Variants in TENM3 observed in about 807,000 individuals in gnomAD.
The protein encoded by TENM3 is teneurin transmembrane protein 3.
A neutral mutation model predicts 255.1 loss-of-function variants in TENM3; 63 were observed. The ratio of observed to expected loss-of-function variants is 0.25; its 90% CI spans 0.20 to 0.30. TENM3 has a LOEUF of 0.30. TENM3 is among the 10% of genes least tolerant of loss of function. TENM3 has a pLI of 1.00. For missense variants in TENM3, 2,929 were observed against 3,461.1 expected, an observed-to-expected ratio of 0.85 and a Z score of 3.86; for synonymous variants, 1,306 against 1,322.3, an observed-to-expected ratio of 0.99 and a Z score of 0.27.
the TENM3 span, among the ~76,000 whole-genome samples, chr4:181,921,093 G>A: frequency 4.6e-5 from 7 of 152,210 alleles, no homozygotes; most frequent in South Asian, 4.1e-4. Context: ...ATTCATCTAT[G>A]TCTCTGTTTT....
intron 3 of TENM3, among the ~76,000 whole-genome samples, chr4:182,460,051 T>C (rs1303288243): frequency 3.9e-5 from 6 of 152,140 alleles, no homozygotes; most frequent in Non-Finnish European, 7.4e-5. Context: ...TGTGGTGTAC[T>C]TTAAATTCTA....
At chr4:181,673,737 A>G in the TENM3 span, among the ~76,000 whole-genome samples, 1 of 152,128 alleles carries the variant, frequency 6.6e-6, no homozygotes, top group Non-Finnish European at 1.5e-5. Context: ...TAACGTGGGT[A>G]GTTATCGTAA....
At chr4:182,160,342 C>T (rs527289544) in intron 1 of TENM3, among the ~76,000 whole-genome samples, 7 of 152,152 alleles carry the variant, frequency 4.6e-5, no homozygotes, top group African/African-American at 1.7e-4. Flanking sequence ...TAAATGGTTA[C>T]CTTTTTCCAC....
chr4:181,733,227 G>T, the TENM3 span, among the ~76,000 whole-genome samples: 1 of 152,134 alleles, frequency 6.6e-6, no homozygotes, highest in East Asian at 1.9e-4. Context: ...AAGGTACATA[G>T]ATGTAAATAG....
At chr4:182,093,315 TAGAA>T in the TENM3 span, among the ~76,000 whole-genome samples, 1 of 152,254 alleles carries the variant, frequency 6.6e-6, no homozygotes, top group Middle Eastern at 3.4e-3. Context: ...TCAAAGCTCT[TAGAA>T]AGATGGTGGC....
chr4:182,346,897 C>A lies in TENM3; in HGVS notation c.479C>A (p.Thr160Lys), dbSNP rs180775304. Residue 160 changes from threonine (T) to lysine (K), a missense_variant, in exon 3 of 28, where the codon ACG (threonine) becomes AAG (lysine). By Grantham distance (78) the Thr-to-Lys change is moderately conservative. Around this residue, in one of 6 missense-constraint regions of TENM3, gnomAD observed 283 missense variants for 256.9 expected, o/e 1.10. Coordinates refer to ENST00000511685, the MANE Select transcript of TENM3 (RefSeq NM_001080477.4). ...AACTCAGCCCTCACCCTGACAGATA[C>A]GGAGCACGAAAACAAGTCCGACAGT... is the stretch of plus-strand genomic sequence containing the variant. The part of the protein sequence containing the change: ...RSNSALTLTD[T>K]EHENKSDSEN... 18 of 1,611,594 alleles carry A rather than the reference C, an allele frequency of 1.1e-5. No individual in the cohort carries two copies. In the East Asian group the frequency reaches 3.6e-4, roughly 32 times the overall value.
At chr4:181,721,566 C>CCGCCG in the TENM3 span, among the ~76,000 whole-genome samples, 2 of 17,932 alleles carry the variant, frequency 1.1e-4, no homozygotes, top group African/African-American at 1.4e-4. Flanking sequence ...CGCCACTGCA[C>CCGCCG]TCCAGCCTGG....
chr4:182,735,982 G>A (rs1305842619), intron 16 of TENM3, among the ~76,000 whole-genome samples: 1 of 152,008 alleles, frequency 6.6e-6, no homozygotes, highest in Non-Finnish European at 1.5e-5. Context: ...CATTTTTACA[G>A]TCCAGTTTCA....
the TENM3 span, among the ~76,000 whole-genome samples, chr4:181,847,791 A>G: frequency 2.6e-5 from 4 of 152,062 alleles, no homozygotes; most frequent in Non-Finnish European, 5.9e-5. Context: ...AAGCTTGTAT[A>G]TTAGACCTAA....
the TENM3 span, among the ~76,000 whole-genome samples, chr4:181,921,896 T>C: frequency 6.6e-6 from 1 of 152,198 alleles, no homozygotes. Flanking sequence ...CTTATTATTT[T>C]GAGAAACGTC....
intron 3 of TENM3, among the ~76,000 whole-genome samples, chr4:182,573,370 T>C (rs185450672): frequency 3.7e-4 from 56 of 152,136 alleles, no homozygotes; most frequent in African/African-American, 1.3e-3. Context: ...CTCCATAGGG[T>C]GTTTTTATAA....
intron 1 of TENM3, among the ~76,000 whole-genome samples, chr4:182,178,182 A>T (rs563291193): frequency 2.6e-5 from 4 of 152,166 alleles, no homozygotes; most frequent in Non-Finnish European, 5.9e-5. Flanking sequence ...CTATAACTCA[A>T]ACTTCTATGC....
chr4:181,888,777 T>C, the TENM3 span, among the ~76,000 whole-genome samples: 214 of 151,102 alleles, frequency 1.4e-3, 1 homozygote, highest in African/African-American at 4.9e-3. Context: ...GGGGGAACAG[T>C]GTAAGCCACA....
intron 3 of TENM3, among the ~76,000 whole-genome samples, chr4:182,362,495 C>T (rs939665746): frequency 2.0e-5 from 3 of 149,862 alleles, no homozygotes; most frequent in Non-Finnish European, 3.0e-5. Flanking sequence ...TAGCAATCAG[C>T]GAGACTCCAT....
the TENM3 span, among the ~76,000 whole-genome samples, chr4:181,831,968 T>TTG: frequency 0.074 from 9,744 of 132,540 alleles, 384 homozygotes; most frequent in South Asian, 0.11. Flanking sequence ...ATATATTACA[T>TTG]TGTGTGTGTG....
chr4:182,324,487 CCTG>C (rs1763268119), intron 2 of TENM3, among the ~76,000 whole-genome samples: 1 of 152,254 alleles, frequency 6.6e-6, no homozygotes, highest in Non-Finnish European at 1.5e-5. Flanking sequence ...CGAAGCCTCA[CCTG>C]CTATACGTGA....
chr4:182,263,687 C>A (rs1014714225), intron 1 of TENM3, among the ~76,000 whole-genome samples: 2 of 152,132 alleles, frequency 1.3e-5, no homozygotes, highest in Admixed American at 6.5e-5. Flanking sequence ...GAGCATTTCG[C>A]CTTGCCCACC....
chr4:182,161,983 A>T (rs111810410), intron 1 of TENM3, among the ~76,000 whole-genome samples: 2 of 93,424 alleles, frequency 2.1e-5, no homozygotes, highest in Non-Finnish European at 2.5e-5. Context: ...ATATATATAT[A>T]TATATATATA....
At chr4:181,868,998 T>C in the TENM3 span, among the ~76,000 whole-genome samples, 1 of 151,396 alleles carries the variant, frequency 6.6e-6, no homozygotes, top group East Asian at 1.9e-4. Context: ...CCATCCTAAA[T>C]TTCCAAAAAA....
Sources: allele counts gnomAD v4.1 joint callset (sites outside exome capture counted in the v4.1 genomes callset), GRCh38; gene constraint gnomAD v4.1.1; regional missense constraint gnomAD v4.1.1; transcripts MANE v1.5; gene names NCBI Gene and HGNC (gene_info 2026-07-23, HGNC 2026-07-21).